The following MDM4 variants were observed in gnomAD, a reference collection of about 807,000 sequenced individuals.
The protein encoded by MDM4 is protein Mdm4.
Under a neutral mutation model 60.2 loss-of-function variants are expected in MDM4, and 2 were observed. The ratio of observed to expected loss-of-function variants is 0.03; its 90% CI spans 0.01 to 0.10. The LOEUF (loss-of-function observed/expected upper bound fraction) is 0.10, where lower values mean the gene tolerates loss of function less well. MDM4 is among the 10% of genes least tolerant of loss of function. MDM4 has a pLI of 1.00. For synonymous variants in MDM4, 202 were observed against 198.1 expected (o/e 1.02, Z -0.17); for missense variants, 447 against 577.5 (o/e 0.77, Z 2.32).
intron 5 of MDM4, among the ~76,000 whole-genome samples, chr1:204,536,356 C>T (rs753946751): frequency 1.4e-4 from 21 of 152,152 alleles, no homozygotes; most frequent in Non-Finnish European, 2.6e-4. Context: ...TTGTTGTCTC[C>T]GTTTGTCCAC....
In MDM4 at chr1:204,516,509, G is replaced by A. The variant is rs937385520; in HGVS notation, c.-36G>A. ...GGAGCGACTCATGGAGCTGCCGTAA[G>A]GTGTGGCTCTTGGCCTTCGTCGGCG... On this transcript the variant is annotated splice_region_variant and 5_prime_UTR_variant, in exon 1 of 11. Transcript: ENST00000367182. 3 of 152,360 alleles carry A rather than the reference G, an allele frequency of 2.0e-5. No individual in the cohort carries two copies. Among genetic ancestry groups the A allele is most frequent in the Non-Finnish European group, 2.9e-5 (2 of 68,148 alleles). 9.4% of individuals were successfully genotyped at this position (152,360 alleles called of 1,614,324 possible).
At chr1:204,527,914 C>T (rs1273735284) in intron 3 of MDM4, among the ~76,000 whole-genome samples, 1 of 151,554 alleles carries the variant, frequency 6.6e-6, no homozygotes, top group African/African-American at 2.4e-5. Context: ...CACTGCCACA[C>T]TCCAGAACCA....
intron 5 of MDM4, chr1:204,532,582 A>G (rs545469482): frequency 3.4e-5 from 20 of 594,614 alleles, no homozygotes; most frequent in Admixed American, 3.1e-4. Context: ...ATGTAATTCC[A>G]TAATCCTATT....
rs1342197057 is a variant in MDM4, at chr1:204,552,666, AT to A, written c.*2985del. 2 of 177,460 alleles carry A rather than the reference AT, an allele frequency of 1.1e-5. No homozygotes were observed. Among genetic ancestry groups the A allele is most frequent in the Non-Finnish European group, 2.4e-5 (2 of 82,502 alleles). 11.0% of individuals were successfully genotyped at this position (177,460 alleles called of 1,614,324 possible). A position where few individuals can be genotyped will look rare whatever the true frequency, so the allele number is the denominator to read the frequency against. ...AACTTAAGAAGTAAACATTTTACTT[AT>A]GTTTATAGGTATTTGATCCTAAATT... On this transcript the variant is annotated 3_prime_UTR_variant, in exon 11 of 11. Coordinates refer to ENST00000367182, the MANE Select transcript of MDM4 (RefSeq NM_002393.5).
intron 1 of MDM4, among the ~76,000 whole-genome samples, chr1:204,522,580 T>G (rs899979114): frequency 9.2e-5 from 14 of 151,806 alleles, no homozygotes; most frequent in African/African-American, 3.4e-4. Context: ...GTATTTTTAG[T>G]AGAGACGGTT....
Position 204,530,665 on chromosome 1 carries a change from G to GA in MDM4, c.154-19_154-18insA. ...GTAGCAGCTGGACAGATCACAACAT[G>GA]GTATTTTATTCCATGCAGGTCATGC... On this transcript the variant is annotated intron_variant, in intron 3 of 10. Coordinates refer to ENST00000367182, the MANE Select transcript of MDM4 (RefSeq NM_002393.5). 6.2e-7 allele frequency: 1 copy of GA among 1,614,030 alleles called. No individual in the cohort carries two copies. Among genetic ancestry groups the GA allele is most frequent in the Non-Finnish European group, 8.5e-7 (1 of 1,179,954 alleles).
chr1:204,550,781 G>C lies in MDM4; in HGVS notation c.*1099G>C, dbSNP rs1045386592. ...ACTCCTGGGTTTAAGTGATTCCCCCGCCTCAGCCTCCCAAAGTGTTGGGCT... is the reference window on the plus strand; with the variant it reads ...ACTCCTGGGTTTAAGTGATTCCCCCCCCTCAGCCTCCCAAAGTGTTGGGCT... On this transcript the variant is annotated 3_prime_UTR_variant, in exon 11 of 11. Coordinates refer to ENST00000367182, the MANE Select transcript of MDM4 (RefSeq NM_002393.5). 5.7e-6 allele frequency: 1 copy of C among 176,164 alleles called. No homozygotes were observed. The highest frequency in any genetic ancestry group is 2.4e-5 in the African/African-American group (1 of 42,204). The allele number at this position is 176,164 out of a possible 1,614,324, so 10.9% of individuals were successfully genotyped here. A position where few individuals can be genotyped will look rare whatever the true frequency, so the allele number is the denominator to read the frequency against.
Position 204,556,453 on chromosome 1 carries a change from TG to T in MDM4, c.*6775del, listed in dbSNP as rs1663543568. On this transcript the variant is annotated 3_prime_UTR_variant, in exon 11 of 11. Coordinates refer to ENST00000367182, the MANE Select transcript of MDM4 (RefSeq NM_002393.5). ...TGGTTCACTCCTGTTATTCCAGCAC[TG>T]GGGTGGCCAAAGTGGGCAGATTGCT... is the stretch of plus-strand genomic sequence containing the variant. 1 of 224,970 alleles carries T rather than the reference TG, an allele frequency of 4.4e-6. No homozygotes were observed. The highest frequency in any genetic ancestry group is 8.9e-6 in the Non-Finnish European group (1 of 112,768). The allele number at this position is 224,970 out of a possible 1,614,324, so 13.9% of individuals were successfully genotyped here. A position where few individuals can be genotyped will look rare whatever the true frequency, so the allele number is the denominator to read the frequency against.
chr1:204,545,343 C>T (rs1662553080), intron 9 of MDM4, among the ~76,000 whole-genome samples: 1 of 152,076 alleles, frequency 6.6e-6, no homozygotes, highest in Non-Finnish European at 1.5e-5. Flanking sequence ...TGAGTACATA[C>T]ATATGGTATG....
chr1:204,545,380 T>C (rs1330485736), intron 9 of MDM4, among the ~76,000 whole-genome samples: 1 of 152,208 alleles, frequency 6.6e-6, no homozygotes, highest in East Asian at 1.9e-4. Context: ...ATGTGTATGG[T>C]ATGTACTCAT....
At chr1:204,522,203 CTGTAG>C (rs1408653681) in intron 1 of MDM4, among the ~76,000 whole-genome samples, 4 of 151,954 alleles carry the variant, frequency 2.6e-5, no homozygotes, top group African/African-American at 9.7e-5. Context: ...TGGCATGCAC[CTGTAG>C]TCCCAACTAC....
In MDM4 at chr1:204,534,451, T is replaced by C. The variant is rs570644691; in HGVS notation, c.343+2205T>C. Among the ~76,000 whole-genome samples the C allele has an allele frequency of 9.8e-5, 15 of 152,334 alleles. No homozygotes were observed. In the East Asian group the frequency reaches 1.7e-3, roughly 18 times the overall value. ...CTCATTTTCTTTCTTGTACTTTCTC[T>C]GCAGAATTTAACATGCCATATAAAG... On this transcript the variant is annotated intron_variant, in intron 5 of 10. Transcript: ENST00000367182.
At chr1:204,532,516 A>G (rs879745062) in intron 5 of MDM4, 16 of 553,992 alleles carry the variant, frequency 2.9e-5, no homozygotes, top group African/African-American at 3.8e-5. Flanking sequence ...TCTCTAGCAG[A>G]TAAGGACTTT....
intron 1 of MDM4, among the ~76,000 whole-genome samples, chr1:204,523,020 G>T (rs531413804): frequency 1.3e-5 from 2 of 151,534 alleles, no homozygotes; most frequent in African/African-American, 2.4e-5. Flanking sequence ...GTGCCACCAC[G>T]CTCGCCTAAT....
In MDM4 at chr1:204,555,001, C is replaced by G; in HGVS notation, c.*5319C>G. Reference sequence around the variant, plus strand: ...CCTTTTGAATGACTGAAAGTGTTAACAGAGAAAGAGGCATGTCTGCAGAAA... The same window carrying G: ...CCTTTTGAATGACTGAAAGTGTTAAGAGAGAAAGAGGCATGTCTGCAGAAA... On this transcript the variant is annotated 3_prime_UTR_variant, in exon 11 of 11. Transcript: ENST00000367182. The G allele has an allele frequency of 4.5e-6, 1 of 220,228 alleles. No homozygotes were observed. Among genetic ancestry groups the G allele is most frequent in the Non-Finnish European group, 9.1e-6 (1 of 109,866 alleles). 13.6% of individuals were successfully genotyped at this position (220,228 alleles called of 1,614,324 possible). A position where few individuals can be genotyped will look rare whatever the true frequency, so the allele number is the denominator to read the frequency against.
At chr1:204,548,916 A>C (rs1241474526) in intron 10 of MDM4, among the ~76,000 whole-genome samples, 197 bp from the exon 11 acceptor site, 1 of 152,138 alleles carries the variant, frequency 6.6e-6, no homozygotes, top group Non-Finnish European at 1.5e-5. Flanking sequence ...TGGCTTGAAA[A>C]TAGCAGTTGT....
Position 204,555,607 on chromosome 1 carries a change from G to A in MDM4, c.*5925G>A. 1 of 165,230 alleles carries A rather than the reference G, an allele frequency of 6.1e-6. No homozygotes were observed. Among genetic ancestry groups the A allele is most frequent in the Non-Finnish European group, 1.3e-5 (1 of 75,560 alleles). The allele number at this position is 165,230 out of a possible 1,614,324, so 10.2% of individuals were successfully genotyped here. A position where few individuals can be genotyped will look rare whatever the true frequency, so the allele number is the denominator to read the frequency against. Reference sequence around the variant, plus strand: ...AGGCTAGGGGCGGTGGCTTACGCCTGTAATCCCAGCACTTTGGGAGGCCGA... The same window carrying A: ...AGGCTAGGGGCGGTGGCTTACGCCTATAATCCCAGCACTTTGGGAGGCCGA... On this transcript the variant is annotated 3_prime_UTR_variant, in exon 11 of 11. Transcript: ENST00000367182.
In MDM4 at chr1:204,555,017, T is replaced by C. The variant is rs1024702075; in HGVS notation, c.*5335T>C. The C allele has an allele frequency of 4.1e-5, 9 of 220,630 alleles. No individual in the cohort carries two copies. The highest frequency in any genetic ancestry group is 8.2e-5 in the Non-Finnish European group (9 of 110,198). The allele number at this position is 220,630 out of a possible 1,614,324, so 13.7% of individuals were successfully genotyped here. On this transcript the variant is annotated 3_prime_UTR_variant, in exon 11 of 11. Transcript: ENST00000367182. Reference sequence around the variant, plus strand: ...AAGTGTTAACAGAGAAAGAGGCATGTCTGCAGAAAGAGATAGCTAATATTT... The same window carrying C: ...AAGTGTTAACAGAGAAAGAGGCATGCCTGCAGAAAGAGATAGCTAATATTT...
At chr1:204,526,268 CG>C (rs1176972447) in intron 2 of MDM4, 91 bp from the exon 3 acceptor site, 25 of 1,098,316 alleles carry the variant, frequency 2.3e-5, no homozygotes, top group Middle Eastern at 2.7e-4. Flanking sequence ...AAAACAAAAG[CG>C]GGGGGAGCTG....
Sources: gnomAD v4.1 joint callset for allele counts (sites outside exome capture counted in the v4.1 genomes callset) on GRCh38, gnomAD v4.1.1 for gene constraint, MANE v1.5 for transcripts, NCBI Gene and HGNC (gene_info 2026-07-23, HGNC 2026-07-21) for gene names.